VPS50: variants seen among roughly 807,000 people sequenced by gnomAD.
VPS50 encodes the protein VPS50 subunit of EARP/GARPII complex, also known as syndetin.
VPS50 carries 70 observed loss-of-function variants against 139.7 expected under a neutral mutation model. The ratio of observed to expected loss-of-function variants is 0.50; its 90% CI spans 0.41 to 0.61. VPS50 has a LOEUF of 0.61. Ranked by LOEUF, VPS50 falls within the 20% of genes least tolerant of loss-of-function variation. VPS50 has a pLI of 0.00. For missense variants in VPS50, 921 were observed against 1,133.7 expected (o/e 0.81, Z 2.69); for synonymous variants, 365 against 376.7 (o/e 0.97, Z 0.36).
At chr7:93,232,569 C>A in intron 1 of VPS50, 69 bp downstream of exon 1, 3 of 1,345,464 alleles carry the variant, frequency 2.2e-6, no homozygotes, top group African/African-American at 1.4e-5. Flanking sequence ...ATGTTCTGTC[C>A]CCAACCAGTG....
chr7:93,349,127 AG>A (rs1317937648), intron 24 of VPS50, among the ~76,000 whole-genome samples: 2 of 152,196 alleles, frequency 1.3e-5, no homozygotes, highest in Non-Finnish European at 2.9e-5. Flanking sequence ...GGGTGGGAGA[AG>A]GTCATCTAGA....
intron 2 of VPS50, among the ~76,000 whole-genome samples, chr7:93,242,042 A>G (rs1027590000): frequency 2.6e-5 from 4 of 152,010 alleles, no homozygotes; most frequent in African/African-American, 4.8e-5. Context: ...AAATTAATGT[A>G]TGCTCTAAAC....
At chr7:93,285,286 G>A (rs1182917800) in intron 12 of VPS50, among the ~76,000 whole-genome samples, 1 of 152,146 alleles carries the variant, frequency 6.6e-6, no homozygotes, top group African/African-American at 2.4e-5. Flanking sequence ...TGTGATTAGA[G>A]TGCTAAATCA....
Position 93,303,525 on chromosome 7 carries a change from C to A in VPS50, c.1427C>A (p.Ser476Ter). The change falls in exon 17 of 28, where the codon TCA becomes TAA. Residue 476 changes from serine to a stop codon, truncating the protein, a stop_gained. Coordinates refer to ENST00000305866, the MANE Select transcript of VPS50 (RefSeq NM_017667.4). LOFTEE classifies it high-confidence loss of function. ...ACTTGGGAACTTTGTCCTGTTAAGT[C>A]AAATTTCAGCATCTTGCAACTTCAT... Reference protein sequence around the residue: ...NETWELCPVKSNFSILQLHEF... With the variant: ...NETWELCPVK The A allele has an allele frequency of 6.5e-7, 1 of 1,546,586 alleles. No individual in the cohort carries two copies.
chr7:93,306,488 TAAC>T (rs1194864423), intron 18 of VPS50, among the ~76,000 whole-genome samples: 2 of 151,908 alleles, frequency 1.3e-5, no homozygotes, highest in African/African-American at 4.8e-5. Context: ...TACAATGTTT[TAAC>T]AACACTTTGA....
At chr7:93,324,869 C>T (rs1428259192) in intron 21 of VPS50, among the ~76,000 whole-genome samples, 3 of 152,138 alleles carry the variant, frequency 2.0e-5, no homozygotes, top group African/African-American at 7.2e-5. Flanking sequence ...CCATACTTCC[C>T]AAGGTGTAAT....
At chr7:93,313,014 C>T (rs1797315387) in intron 20 of VPS50, among the ~76,000 whole-genome samples, 1 of 152,206 alleles carries the variant, frequency 6.6e-6, no homozygotes, top group Non-Finnish European at 1.5e-5. Context: ...TTTTATTTTT[C>T]ACTCGTGATA....
intron 24 of VPS50, among the ~76,000 whole-genome samples, chr7:93,349,133 T>C (rs1396185737): frequency 2.6e-5 from 4 of 152,028 alleles, no homozygotes; most frequent in Non-Finnish European, 4.4e-5. Context: ...GAGAAGGTCA[T>C]CTAGAAAGGC....
At chr7:93,264,615 A>G (rs949619288) in intron 9 of VPS50, among the ~76,000 whole-genome samples, 29 of 152,100 alleles carry the variant, frequency 1.9e-4, no homozygotes, top group African/African-American at 6.8e-4. Context: ...GAATTCCTTC[A>G]TTTTTTCTCA....
At chr7:93,358,221 T>G in intron 27 of VPS50, 96 bp from the exon 28 acceptor site, 1 of 1,082,762 alleles carries the variant, frequency 9.2e-7, no homozygotes. Context: ...GCTCAGTAAC[T>G]ATCCACTGCA....
At chr7:93,318,062 TATA>T (rs1452288947) in intron 20 of VPS50, among the ~76,000 whole-genome samples, 46 of 150,302 alleles carry the variant, frequency 3.1e-4, no homozygotes, top group African/African-American at 1.1e-3. Flanking sequence ...TTTATAATCA[TATA>T]ATAATGATAT....
chr7:93,249,867 T>C (rs1795268096), intron 2 of VPS50, among the ~76,000 whole-genome samples: 1 of 152,178 alleles, frequency 6.6e-6, no homozygotes, highest in Admixed American at 6.5e-5. Flanking sequence ...GGCTGCCTGT[T>C]GATAGGCTAG....
At chr7:93,314,580 T>A (rs577532660) in intron 20 of VPS50, among the ~76,000 whole-genome samples, 1 of 152,238 alleles carries the variant, frequency 6.6e-6, no homozygotes, top group East Asian at 1.9e-4. Context: ...TGTGAGCAGG[T>A]GTGATAGGTC....
intron 11 of VPS50, among the ~76,000 whole-genome samples, chr7:93,274,311 A>G (rs958095486): frequency 6.6e-6 from 1 of 152,136 alleles, no homozygotes; most frequent in African/African-American, 2.4e-5. Flanking sequence ...GCCTGGCTTC[A>G]AAGCATCAAA....
intron 21 of VPS50, chr7:93,333,810 A>T (rs1265846324): frequency 6.1e-6 from 2 of 326,370 alleles, no homozygotes; most frequent in Non-Finnish European, 1.1e-5. Context: ...ATGTTTATCT[A>T]AAATCTCAAG....
At chr7:93,297,360 T>G in intron 16 of VPS50, 117 bp downstream of exon 16, 2 of 1,131,694 alleles carry the variant, frequency 1.8e-6, no homozygotes, top group Non-Finnish European at 2.3e-6. Context: ...TTTGAATGTG[T>G]TGTAGCTTTT....
In VPS50 at chr7:93,359,620, A is replaced by G. The variant is rs931095549; in HGVS notation, c.*1184A>G. 5 of 152,130 alleles carry G rather than the reference A, an allele frequency of 3.3e-5. No homozygotes were observed. Among genetic ancestry groups the G allele is most frequent in the African/African-American group, 4.8e-5 (2 of 41,452 alleles). The allele number at this position is 152,130 out of a possible 1,614,324, so 9.4% of individuals were successfully genotyped here. A position where few individuals can be genotyped will look rare whatever the true frequency, so the allele number is the denominator to read the frequency against. On this transcript the variant is annotated 3_prime_UTR_variant, in exon 28 of 28. Coordinates refer to ENST00000305866, the MANE Select transcript of VPS50 (RefSeq NM_017667.4). Reference sequence around the variant, plus strand: ...TCTAAGCTTGTGTGGCATTGGTCCAATGATTGCCATGCATGACCTGTAACA... The same window carrying G: ...TCTAAGCTTGTGTGGCATTGGTCCAGTGATTGCCATGCATGACCTGTAACA...
At chr7:93,326,975 G>A (rs540927419) in intron 21 of VPS50, among the ~76,000 whole-genome samples, 1 of 152,070 alleles carries the variant, frequency 6.6e-6, no homozygotes, top group Non-Finnish European at 1.5e-5. Context: ...TGTTGCTACA[G>A]AATTTATATA....
intron 22 of VPS50, among the ~76,000 whole-genome samples, chr7:93,337,948 T>C (rs760040764): frequency 6.6e-6 from 1 of 152,140 alleles, no homozygotes; most frequent in Non-Finnish European, 1.5e-5. Flanking sequence ...TCTTGAACTA[T>C]TTTCTGTTAT....
Sources: gnomAD v4.1 joint callset for allele counts (sites outside exome capture counted in the v4.1 genomes callset) on GRCh38, gnomAD v4.1.1 for gene constraint, MANE v1.5 for transcripts, NCBI Gene and HGNC (gene_info 2026-07-23, HGNC 2026-07-21) for gene names.